The following FTO variants were observed in gnomAD, a reference collection of about 807,000 sequenced individuals.
FTO encodes FTO alpha-ketoglutarate dependent dioxygenase, also known as alpha-ketoglutarate-dependent dioxygenase FTO.
In FTO, 47 loss-of-function variants were observed where a neutral mutation model predicts 63.9. The ratio of observed to expected loss-of-function variants is 0.74; its 90% CI spans 0.58 to 0.94. FTO has a LOEUF of 0.94. Among genes scored for constraint, FTO ranks in the 40% least tolerant of loss-of-function variants. The pLI is 0.00. For missense variants in FTO, 562 were observed against 618.1 expected (o/e 0.91, Z 0.96); for synonymous variants, 207 against 224.4 (o/e 0.92, Z 0.69).
At chr16:53,987,104 G>A (rs578001386) in intron 8 of FTO, among the ~76,000 whole-genome samples, 3 of 152,018 alleles carry the variant, frequency 2.0e-5, no homozygotes, top group African/African-American at 7.2e-5. Context: ...CGTGCCAGTC[G>A]CTGGAATACG....
chr16:53,903,506 G>A (rs1028242423), intron 7 of FTO, among the ~76,000 whole-genome samples: 2 of 152,212 alleles, frequency 1.3e-5, no homozygotes, highest in Middle Eastern at 3.4e-3. Flanking sequence ...TGATCTGGCC[G>A]CCTCAGCCTC....
intron 1 of FTO, among the ~76,000 whole-genome samples, chr16:53,754,632 C>T (rs913218171): frequency 1.3e-5 from 2 of 151,080 alleles, no homozygotes; most frequent in African/African-American, 2.4e-5. Flanking sequence ...AGCGAGACTT[C>T]GTCTCAAAAA....
intron 5 of FTO, among the ~76,000 whole-genome samples, chr16:53,875,611 G>A (rs1016885601): frequency 6.6e-6 from 1 of 152,160 alleles, no homozygotes; most frequent in Non-Finnish European, 1.5e-5. Flanking sequence ...GTCTTCATTT[G>A]TACACTACAG....
At chr16:53,921,442 C>T (rs964650182) in intron 7 of FTO, among the ~76,000 whole-genome samples, 11 of 152,262 alleles carry the variant, frequency 7.2e-5, no homozygotes, top group Middle Eastern at 3.4e-3. Flanking sequence ...TCAATTATTT[C>T]GTACTTGGTA....
chr16:54,062,083 A>G (rs976016483), intron 8 of FTO, among the ~76,000 whole-genome samples: 1 of 152,240 alleles, frequency 6.6e-6, no homozygotes, highest in African/African-American at 2.4e-5. Context: ...TGTCAAAATT[A>G]CATTCTGAAG....
chr16:53,820,423 C>T (rs963014251), intron 2 of FTO, among the ~76,000 whole-genome samples: 5 of 151,160 alleles, frequency 3.3e-5, no homozygotes, highest in African/African-American at 9.7e-5. Flanking sequence ...AGAAGTAAAG[C>T]GTGGGGAGTG....
chr16:53,796,000 A>C (rs955598771), intron 1 of FTO, among the ~76,000 whole-genome samples: 11 of 152,132 alleles, frequency 7.2e-5, no homozygotes, highest in African/African-American at 2.7e-4. Flanking sequence ...TTTAGCAAGA[A>C]GAAAAGTGAA....
chr16:53,931,871 AACACAC>A lies in FTO; in HGVS notation c.1240-2083_1240-2078del, dbSNP rs35135177. Among the ~76,000 whole-genome samples the A allele has an allele frequency of 8.0e-3, 1,162 of 145,794 alleles. 7 individuals are homozygous for A. Among genetic ancestry groups the A allele is most frequent in the African/African-American group, 0.019 (749 of 39,466 alleles). ...TTTACAAAAATCAGTTTTTACATTAAACACACACACACACACACACACACACACACA... is the reference window on the plus strand; with the variant it reads ...TTTACAAAAATCAGTTTTTACATTAAACACACACACACACACACACACACA... On this transcript the variant is annotated intron_variant, in intron 7 of 8. Transcript: ENST00000471389.
In FTO at chr16:53,844,247, A is replaced by G. The variant is rs2079555849; in HGVS notation, c.844A>G (p.Thr282Ala). Reference protein sequence around the residue: ...VGFKISWDIETPGLAIPLHQG... With the variant: ...VGFKISWDIEAPGLAIPLHQG... ...TTTTAAGATCTCATGGGACATAGAGACACCTGGTTTGGCGATACCCCTTCA... is the reference window on the plus strand; with the variant it reads ...TTTTAAGATCTCATGGGACATAGAGGCACCTGGTTTGGCGATACCCCTTCA... Residue 282 changes from threonine (T) to alanine (A), a missense_variant, in exon 4 of 9, where the codon ACA becomes GCA. Transcript: ENST00000471389. 1 of 1,613,574 alleles carries G rather than the reference A, an allele frequency of 6.2e-7. No homozygotes were observed.
chr16:54,034,287 GC>G (rs2084894843), intron 8 of FTO, among the ~76,000 whole-genome samples: 1 of 151,980 alleles, frequency 6.6e-6, no homozygotes, highest in African/African-American at 2.4e-5. Context: ...CTAATAAAAG[GC>G]CTACTTGCTT....
In FTO at chr16:53,888,459, TTG is replaced by T. The variant is rs2081065522; in HGVS notation, c.1120-371_1120-370del. ...AGTAGCTTGGCCAATTTATTTTTAA[TTG>T]TTTTATTAGTAGCTTGGCCAATTTA... is the stretch of plus-strand genomic sequence containing the variant. On this transcript the variant is annotated intron_variant, in intron 6 of 8. Coordinates refer to ENST00000471389, the MANE Select transcript of FTO (RefSeq NM_001080432.3). Among the ~76,000 whole-genome samples, 3 of 77,138 alleles carry T rather than the reference TTG, an allele frequency of 3.9e-5. No homozygotes were observed. The Admixed American group carries it at 4.8e-4, about 12-fold the overall frequency. The allele number at this position is 77,138 out of a possible 152,430, so 50.6% of individuals were successfully genotyped here.
chr16:54,079,684 C>T (rs1400662699), intron 8 of FTO, among the ~76,000 whole-genome samples: 12 of 152,216 alleles, frequency 7.9e-5, no homozygotes, highest in Admixed American at 6.5e-5. Context: ...TAAATAGGAA[C>T]GAAGCAGGCC....
intron 4 of FTO, among the ~76,000 whole-genome samples, chr16:53,859,500 T>TTA (rs888502736): frequency 6.0e-5 from 9 of 149,032 alleles, no homozygotes; most frequent in Admixed American, 4.0e-4. Flanking sequence ...ATTATATGAT[T>TTA]TATATATCAT....
chr16:53,971,284 A>G (rs2083311585), intron 8 of FTO, among the ~76,000 whole-genome samples: 1 of 152,214 alleles, frequency 6.6e-6, no homozygotes, highest in Non-Finnish European at 1.5e-5. Context: ...GATCCTTAGA[A>G]TCTAAAAGGA....
chr16:54,054,647 C>G (rs911700531), intron 8 of FTO: 1 of 152,130 alleles, frequency 6.6e-6, no homozygotes, highest in Non-Finnish European at 1.5e-5. Flanking sequence ...GTGCTGAGGA[C>G]AATTAGTAAT....
chr16:53,787,134 A>G (rs113008794), intron 1 of FTO, among the ~76,000 whole-genome samples: 36,543 of 133,756 alleles, frequency 0.27, 6,948 homozygotes, highest in Non-Finnish European at 0.4. Context: ...AAAAAAAAAA[A>G]AAAAAAAAGA....
chr16:54,111,518 C>T lies in FTO; in HGVS notation c.1365-244C>T, dbSNP rs544225282. On this transcript the variant is annotated intron_variant, in intron 8 of 8. Transcript: ENST00000471389. ...GAATTTCCCTGATGATTGGCTTCTA[C>T]GAAGCCACCTGAGATAATACAAATC... 3.5e-4 allele frequency among the ~76,000 whole-genome samples: 53 copies of T among 152,256 alleles called. No homozygotes were observed. The South Asian group carries it at 0.01, about 30-fold the overall frequency.
intron 8 of FTO, among the ~76,000 whole-genome samples, chr16:53,952,513 T>C (rs577827996): frequency 5.4e-4 from 83 of 152,300 alleles, no homozygotes; most frequent in African/African-American, 1.9e-3. Flanking sequence ...AAAAAATCTT[T>C]GGCAACTTCC....
At chr16:53,821,423 G>A (rs138243912) in intron 2 of FTO, among the ~76,000 whole-genome samples, 1 of 152,278 alleles carries the variant, frequency 6.6e-6, no homozygotes, top group African/African-American at 2.4e-5. Flanking sequence ...TGCTGCTCAT[G>A]GCTTCAGAAT....
Sources: gnomAD v4.1 joint callset for allele counts (sites outside exome capture counted in the v4.1 genomes callset) on GRCh38, gnomAD v4.1.1 for gene constraint, MANE v1.5 for transcripts, NCBI Gene and HGNC (gene_info 2026-07-23, HGNC 2026-07-21) for gene names.